The following ITFG1 variants were observed in gnomAD, a reference collection of about 807,000 sequenced individuals.
ITFG1 encodes T-cell immunomodulatory protein.
A neutral mutation model predicts 81.8 loss-of-function variants in ITFG1; 34 were observed. The observed-to-expected ratio is 0.42, with a 90% CI of 0.32 to 0.55. ITFG1 has a LOEUF of 0.55. Ranked by LOEUF, ITFG1 falls within the 20% of genes least tolerant of loss-of-function variation. The probability of loss-of-function intolerance (pLI) is 0.17; values close to 1 mark genes in which losing one functional copy is unlikely to be tolerated. For synonymous variants in ITFG1, 285 were observed against 270.6 expected, an observed-to-expected ratio of 1.05 and a Z score of -0.52; for missense variants, 672 against 755.4, an observed-to-expected ratio of 0.89 and a Z score of 1.29.
At chr16:47,365,614 G>A (rs1968166628) in intron 8 of ITFG1, 174 bp downstream of exon 8, 1 of 463,734 alleles carries the variant, frequency 2.2e-6, no homozygotes, top group Admixed American at 3.6e-5. Flanking sequence ...ATTTCATTAA[G>A]GAATTGACAT....
rs562452871 is a variant in ITFG1, at chr16:47,266,188, T to C, written c.1071-5493A>G. ...AACCACAATGAGACAACACTTCACA[T>C]CCAGTACAACAGGTAAAATTTTTTT... On this transcript the variant is annotated intron_variant, in intron 10 of 17. Coordinates refer to ENST00000320640, the MANE Select transcript of ITFG1 (RefSeq NM_030790.5). Among the ~76,000 whole-genome samples the C allele has an allele frequency of 2.5e-4, 38 of 152,198 alleles. 1 individual carries two copies. The highest frequency in any genetic ancestry group is 1.6e-3 in the Admixed American group (25 of 15,274).
At chr16:47,252,563 A>G (rs1966089256) in intron 12 of ITFG1, among the ~76,000 whole-genome samples, 1 of 152,206 alleles carries the variant, frequency 6.6e-6, no homozygotes, top group African/African-American at 2.4e-5. Context: ...GATGAGAGCT[A>G]GTAACTAGTC....
chr16:47,161,516 C>A, intron 16 of ITFG1: 1 of 342,170 alleles, frequency 2.9e-6, no homozygotes, highest in South Asian at 6.9e-5. Flanking sequence ...ACATATAAAT[C>A]CCTAATTAGT....
At chr16:47,259,713 T>C (rs1966183007) in intron 11 of ITFG1, among the ~76,000 whole-genome samples, 2 of 152,204 alleles carry the variant, frequency 1.3e-5, no homozygotes, top group African/African-American at 4.8e-5. Flanking sequence ...AACATTGCTT[T>C]TTTCAGAATT....
At position 47,428,416 on chromosome 16, in the gene ITFG1, G is replaced by A. The variant is rs549275498; in HGVS notation, c.655+388C>T. ...TGTTTAAAATTTTCCATGATAACAAGTTTTAAAAGCCTGTGAAATTATTCT... is the reference window on the plus strand; with the variant it reads ...TGTTTAAAATTTTCCATGATAACAAATTTTAAAAGCCTGTGAAATTATTCT... On this transcript the variant is annotated intron_variant, in intron 6 of 17. Coordinates refer to ENST00000320640, the MANE Select transcript of ITFG1 (RefSeq NM_030790.5). Among the ~76,000 whole-genome samples, 182 of 152,018 alleles carry A rather than the reference G, an allele frequency of 1.2e-3. No individual in the cohort carries two copies. In the Middle Eastern group the frequency reaches 0.017, roughly 14 times the overall value.
intron 7 of ITFG1, among the ~76,000 whole-genome samples, chr16:47,368,793 C>T (rs1324600724): frequency 6.6e-6 from 1 of 152,052 alleles, no homozygotes; most frequent in African/African-American, 2.4e-5. Context: ...TGATTTATCT[C>T]TATCAAGAAA....
intron 10 of ITFG1, among the ~76,000 whole-genome samples, chr16:47,275,643 T>C (rs935476578): frequency 6.6e-6 from 1 of 152,112 alleles, no homozygotes; most frequent in African/African-American, 2.4e-5. Context: ...ATCTTCTCCA[T>C]TTTATCTTAC....
At chr16:47,406,260 C>T (rs920118852) in intron 6 of ITFG1, among the ~76,000 whole-genome samples, 13 of 152,064 alleles carry the variant, frequency 8.5e-5, no homozygotes, top group Non-Finnish European at 1.6e-4. Flanking sequence ...AGAAAAGAAA[C>T]AAAATTCTTG....
At chr16:47,347,515 T>C (rs1221208958) in intron 8 of ITFG1, among the ~76,000 whole-genome samples, 2 of 151,968 alleles carry the variant, frequency 1.3e-5, no homozygotes, top group African/African-American at 4.8e-5. Context: ...CCACCATTGC[T>C]GAGGATTGAG....
chr16:47,429,232 CT>C (rs1969063002), intron 5 of ITFG1, among the ~76,000 whole-genome samples: 2 of 152,158 alleles, frequency 1.3e-5, no homozygotes, highest in South Asian at 4.1e-4. Flanking sequence ...CTGTGTTTGG[CT>C]TCATTCAGTT....
chr16:47,230,978 G>A (rs988283728), intron 13 of ITFG1, among the ~76,000 whole-genome samples: 1 of 152,166 alleles, frequency 6.6e-6, no homozygotes, highest in Non-Finnish European at 1.5e-5. Context: ...TTAATCTCCT[G>A]ACCTCGTGAT....
chr16:47,312,413 C>T (rs1967279859), intron 9 of ITFG1: 1 of 151,914 alleles, frequency 6.6e-6, no homozygotes, highest in African/African-American at 2.4e-5. Flanking sequence ...GGTTAATAAA[C>T]AGGGTATCTC....
At chr16:47,260,297 C>A (rs1188063632) in intron 11 of ITFG1, among the ~76,000 whole-genome samples, 1 of 152,122 alleles carries the variant, frequency 6.6e-6, no homozygotes, top group Non-Finnish European at 1.5e-5. Flanking sequence ...GAGCATGATG[C>A]TTTAGTGGTT....
At chr16:47,267,233 T>C (rs960781109) in intron 10 of ITFG1, among the ~76,000 whole-genome samples, 5 of 152,174 alleles carry the variant, frequency 3.3e-5, no homozygotes, top group East Asian at 3.8e-4. Context: ...AAAACAGATA[T>C]AGCAAGTTAA....
chr16:47,436,447 G>A (rs1035491000), intron 5 of ITFG1, among the ~76,000 whole-genome samples: 10 of 152,050 alleles, frequency 6.6e-5, no homozygotes, highest in Admixed American at 5.2e-4. Flanking sequence ...TGATAATTAA[G>A]CCAAAGGTAA....
intron 10 of ITFG1, among the ~76,000 whole-genome samples, chr16:47,276,145 A>G (rs1045690411): frequency 6.6e-6 from 1 of 152,186 alleles, no homozygotes; most frequent in African/African-American, 2.4e-5. Flanking sequence ...AATTATCTAT[A>G]TAGGAAATCC....
intron 8 of ITFG1, among the ~76,000 whole-genome samples, chr16:47,364,837 A>C (rs1262995383): frequency 5.9e-5 from 9 of 152,214 alleles, no homozygotes. Context: ...CAAGAACAAA[A>C]AACATGTAAG....
chr16:47,427,912 T>C (rs999924070), intron 6 of ITFG1, among the ~76,000 whole-genome samples: 7 of 152,222 alleles, frequency 4.6e-5, no homozygotes, highest in African/African-American at 1.2e-4. Flanking sequence ...TGTGGGTGGA[T>C]TGCTTGAGCC....
intron 14 of ITFG1, among the ~76,000 whole-genome samples, chr16:47,196,139 T>C (rs1965354696): frequency 6.6e-6 from 1 of 152,184 alleles, no homozygotes; most frequent in Non-Finnish European, 1.5e-5. Flanking sequence ...TTCCTCTAGC[T>C]TATTTCAAGA....
Sources: allele counts gnomAD v4.1 joint callset (sites outside exome capture counted in the v4.1 genomes callset), GRCh38; gene constraint gnomAD v4.1.1; transcripts MANE v1.5; gene names NCBI Gene and HGNC (gene_info 2026-07-23, HGNC 2026-07-21).